LAMA2: variants seen among roughly 807,000 people sequenced by gnomAD.
The protein encoded by LAMA2 is laminin subunit alpha-2.
A neutral mutation model predicts 364.8 loss-of-function variants in LAMA2; 269 were observed. The observed-to-expected ratio is 0.74, with a 90% confidence interval of 0.67 to 0.82. The LOEUF (loss-of-function observed/expected upper bound fraction) is 0.82. Ranked by LOEUF, LAMA2 falls within the 40% of genes least tolerant of loss-of-function variation. LAMA2 has a pLI of 0.00. For synonymous variants in LAMA2, 1,379 were observed against 1,370.6 expected, an observed-to-expected ratio of 1.01 and a Z score of -0.14; for missense variants, 3,807 against 3,873.2, an observed-to-expected ratio of 0.98 and a Z score of 0.45.
At chr6:129,318,674 G>C (rs1026944670) in intron 27 of LAMA2, among the ~76,000 whole-genome samples, 1 of 152,166 alleles carries the variant, frequency 6.6e-6, no homozygotes, top group African/African-American at 2.4e-5. Context: ...CACCACCACT[G>C]TGTGTACTTA....
At chr6:128,998,546 G>A (rs1464986798) in intron 1 of LAMA2, among the ~76,000 whole-genome samples, 1 of 101,116 alleles carries the variant, frequency 9.9e-6, no homozygotes, top group Non-Finnish European at 1.9e-5. Flanking sequence ...TGTGCGCACC[G>A]TGCGCGAGCC....
chr6:129,017,008 AT>A (rs1785122021), intron 1 of LAMA2, among the ~76,000 whole-genome samples: 1 of 151,934 alleles, frequency 6.6e-6, no homozygotes, highest in Admixed American at 6.6e-5. Flanking sequence ...TATACAGCAT[AT>A]TTTTTATATA....
chr6:128,921,921 T>A (rs1778765146), intron 1 of LAMA2, among the ~76,000 whole-genome samples: 1 of 144,568 alleles, frequency 6.9e-6, no homozygotes, highest in South Asian at 2.3e-4. Flanking sequence ...TGTGTTCTCA[T>A]TGTTCAATTC....
intron 12 of LAMA2, among the ~76,000 whole-genome samples, chr6:129,202,656 G>A (rs1010737737): frequency 1.3e-5 from 2 of 152,108 alleles, no homozygotes; most frequent in Non-Finnish European, 2.9e-5. Flanking sequence ...CACTTTGCAA[G>A]CCAGAATACA....
intron 31 of LAMA2, among the ~76,000 whole-genome samples, chr6:129,352,692 A>G (rs2114592025): frequency 6.6e-6 from 1 of 152,324 alleles, no homozygotes; most frequent in African/African-American, 2.4e-5. Flanking sequence ...GAGCAGTCAC[A>G]GACAAACTAT....
intron 55 of LAMA2, among the ~76,000 whole-genome samples, chr6:129,482,687 T>G (rs574985220): frequency 6.6e-6 from 1 of 152,166 alleles, no homozygotes; most frequent in South Asian, 2.1e-4. Context: ...ACACAAAATA[T>G]TCACAAAGAG....
intron 42 of LAMA2, among the ~76,000 whole-genome samples, chr6:129,440,585 C>G (rs765899690): frequency 1.3e-5 from 2 of 152,048 alleles, no homozygotes; most frequent in Non-Finnish European, 2.9e-5. Flanking sequence ...AGAATAGTCA[C>G]GTCACTACTT....
At chr6:129,202,593 T>C (rs551818709) in intron 12 of LAMA2, among the ~76,000 whole-genome samples, 1 of 152,302 alleles carries the variant, frequency 6.6e-6, no homozygotes, top group Non-Finnish European at 1.5e-5. Flanking sequence ...TTTTAATGCT[T>C]AAAAACTACC....
rs1436651964 is a variant in LAMA2 at position 129,301,668 on chromosome 6, G to A, written c.3174+796G>A. Among the ~76,000 whole-genome samples, 3 of 152,080 alleles carry A rather than the reference G, an allele frequency of 2.0e-5. No individual in the cohort carries two copies. In the East Asian group the frequency reaches 5.8e-4, roughly 29 times the overall value. On this transcript the variant is annotated intron_variant, in intron 22 of 64. Transcript: ENST00000421865. ...AGGAGGAGCAAGTTCAGGAAGGAAAGATAATCACTTTGCATTTTTATCAGC... is the reference window on the plus strand; with the variant it reads ...AGGAGGAGCAAGTTCAGGAAGGAAAAATAATCACTTTGCATTTTTATCAGC...
intron 1 of LAMA2, among the ~76,000 whole-genome samples, chr6:128,974,497 A>C (rs546750290): frequency 6.6e-6 from 1 of 152,340 alleles, no homozygotes; most frequent in African/African-American, 2.4e-5. Flanking sequence ...GGTTTTAAGG[A>C]GTATATAATA....
intron 1 of LAMA2, among the ~76,000 whole-genome samples, chr6:128,941,242 A>G (rs912495228): frequency 1.3e-5 from 2 of 152,356 alleles, no homozygotes; most frequent in Non-Finnish European, 2.9e-5. Context: ...TATTTCGAAC[A>G]TTCAACAAAC....
chr6:129,041,730 T>A (rs1357758647), intron 1 of LAMA2, among the ~76,000 whole-genome samples: 1 of 152,098 alleles, frequency 6.6e-6, no homozygotes, highest in Non-Finnish European at 1.5e-5. Context: ...AGGCCAAGCA[T>A]AGTGGCTGAT....
At chr6:129,226,712 G>T (rs575573461) in intron 12 of LAMA2, among the ~76,000 whole-genome samples, 1 of 152,176 alleles carries the variant, frequency 6.6e-6, no homozygotes, top group Admixed American at 6.6e-5. Context: ...CTGTTAGTCT[G>T]ATGGGCTTCC....
chr6:129,327,762 A>G (rs984436872), intron 28 of LAMA2, among the ~76,000 whole-genome samples: 51 of 152,232 alleles, frequency 3.4e-4, no homozygotes, highest in Non-Finnish European at 6.3e-4. Context: ...TGGTGGTCTA[A>G]TAGTCGCAAG....
intron 50 of LAMA2, 69 bp downstream of exon 50, chr6:129,464,521 A>G: frequency 7.9e-7 from 1 of 1,270,174 alleles, no homozygotes; most frequent in Non-Finnish European, 1.2e-6. Context: ...AGTTATTGGT[A>G]AAATCATCAG....
chr6:128,959,046 A>G (rs942294295), intron 1 of LAMA2, among the ~76,000 whole-genome samples: 2 of 152,164 alleles, frequency 1.3e-5, no homozygotes, highest in African/African-American at 4.8e-5. Flanking sequence ...TATAAATATT[A>G]CTCACAGCTG....
Position 129,270,651 on chromosome 6 carries a change from T to C in LAMA2, c.2350T>C (p.Tyr784His), listed in dbSNP as rs1039633314. The part of the protein sequence containing the change: ...LNCKDHTGGP[Y>H]CDKCLPGFYG... ...CTGTAAGGATCACACAGGTGGCCCA[T>C]ATTGTGATAAATGTCTTCCTGGTTT... Residue 784 changes from tyrosine to histidine, a missense_variant, in exon 17 of 65, where the codon TAT becomes CAT. Tyr to His is a moderately conservative substitution (Grantham distance 83, BLOSUM62 2). Coordinates refer to ENST00000421865, the MANE Select transcript of LAMA2 (RefSeq NM_000426.4). 4 of 1,612,952 alleles carry C rather than the reference T, an allele frequency of 2.5e-6. No individual in the cohort carries two copies. In the African/African-American group the frequency reaches 4.0e-5, roughly 16 times the overall value.
intron 3 of LAMA2, among the ~76,000 whole-genome samples, chr6:129,089,614 G>T (rs755288747): frequency 6.6e-6 from 1 of 152,232 alleles, no homozygotes; most frequent in Admixed American, 6.5e-5. Context: ...CTTATTCACA[G>T]GAGGCAGGTC....
intron 1 of LAMA2, among the ~76,000 whole-genome samples, chr6:128,911,175 C>T (rs971948622): frequency 1.6e-4 from 25 of 152,198 alleles, no homozygotes; most frequent in Non-Finnish European, 3.2e-4. Flanking sequence ...CCAGTTCGAG[C>T]TTCCCGGCTG....
Sources: gnomAD v4.1 joint callset for allele counts (sites outside exome capture counted in the v4.1 genomes callset) on GRCh38, gnomAD v4.1.1 for gene constraint, MANE v1.5 for transcripts, NCBI Gene and HGNC (gene_info 2026-07-23, HGNC 2026-07-21) for gene names.